Variants in ACER3 observed in about 807,000 individuals in gnomAD.
The protein encoded by ACER3 is alkCDase 3.
ACER3 carries 16 observed loss-of-function variants against 48.9 expected under a neutral mutation model. That is an observed-to-expected ratio of 0.33 (90% CI 0.22 to 0.50). ACER3 has a LOEUF of 0.50. ACER3 is among the 20% of genes least tolerant of loss of function. ACER3 has a pLI of 0.98. For synonymous variants in ACER3, 109 were observed against 107.8 expected (o/e 1.01, Z -0.07); for missense variants, 227 against 326.0 (o/e 0.70, Z 2.34).
intron 1 of ACER3, among the ~76,000 whole-genome samples, chr11:76,865,397 G>GT (rs559819405): frequency 1.3e-5 from 2 of 151,676 alleles, no homozygotes; most frequent in Non-Finnish European, 1.5e-5. Context: ...TTAATGCAAA[G>GT]TTTTTTTTGT....
rs192383696 is a variant in ACER3 at position 76,964,537 on chromosome 11, G to A, written c.267+5506G>A. On this transcript the variant is annotated intron_variant, in intron 3 of 10. Coordinates refer to ENST00000532485, the MANE Select transcript of ACER3 (RefSeq NM_018367.7). Reference sequence around the variant, plus strand: ...CTCCTCAAGTGGGTCCCTGACCCCCGAGTAGCCTAACTGGGAGGCACCCCC... The same window carrying A: ...CTCCTCAAGTGGGTCCCTGACCCCCAAGTAGCCTAACTGGGAGGCACCCCC... Among the ~76,000 whole-genome samples, 707 of 151,418 alleles carry A rather than the reference G, an allele frequency of 4.7e-3. 40 individuals are homozygous for A. Among genetic ancestry groups the A allele is most frequent in the African/African-American group, 0.017 (675 of 40,742 alleles).
chr11:76,884,608 A>G (rs1035872536), intron 1 of ACER3, among the ~76,000 whole-genome samples: 2 of 152,188 alleles, frequency 1.3e-5, no homozygotes, highest in African/African-American at 4.8e-5. Context: ...AGATAGGTGT[A>G]TTAAAATCTT....
chr11:76,925,202 T>TTAA (rs1165984139), intron 1 of ACER3, among the ~76,000 whole-genome samples: 1 of 152,182 alleles, frequency 6.6e-6, no homozygotes, highest in African/African-American at 2.4e-5. Context: ...CCATGTTTTC[T>TTAA]GTTACTACTT....
intron 8 of ACER3, 49 bp from the exon 9 acceptor site, chr11:77,016,626 G>T (rs782169579): frequency 2.0e-6 from 2 of 1,015,192 alleles, no homozygotes; most frequent in Admixed American, 2.1e-5. Context: ...AGCGTTAGTC[G>T]CTAAATATTT....
chr11:76,929,162 GAA>G (rs1233395092), intron 2 of ACER3, among the ~76,000 whole-genome samples: 3 of 152,028 alleles, frequency 2.0e-5, no homozygotes, highest in African/African-American at 7.2e-5. Context: ...AGTTCTCCTT[GAA>G]GACGTCCTTC....
intron 2 of ACER3, among the ~76,000 whole-genome samples, chr11:76,951,753 A>C (rs1278417608): frequency 6.6e-6 from 1 of 152,208 alleles, no homozygotes; most frequent in African/African-American, 2.4e-5. Context: ...GGTGACAGTG[A>C]ACTGTGGAGA....
chr11:77,017,236 T>G (rs1490404810), intron 9 of ACER3, among the ~76,000 whole-genome samples: 1 of 152,024 alleles, frequency 6.6e-6, no homozygotes, highest in Non-Finnish European at 1.5e-5. Context: ...TTGACAAACC[T>G]TAGCAAGACT....
At chr11:76,916,679 T>G (rs768646637) in intron 1 of ACER3, among the ~76,000 whole-genome samples, 1 of 152,178 alleles carries the variant, frequency 6.6e-6, no homozygotes, top group Non-Finnish European at 1.5e-5. Context: ...CATTTTCAGA[T>G]TATGTCATTT....
At chr11:76,989,510 C>T (rs1427338990) in intron 5 of ACER3, among the ~76,000 whole-genome samples, 1 of 151,966 alleles carries the variant, frequency 6.6e-6, no homozygotes, top group Non-Finnish European at 1.5e-5. Context: ...GAAAAGGCTT[C>T]AAGAAGGAGG....
At chr11:76,960,475 A>C (rs6592687) in intron 3 of ACER3, among the ~76,000 whole-genome samples, 3 of 151,900 alleles carry the variant, frequency 2.0e-5, no homozygotes, top group East Asian at 3.9e-4. Flanking sequence ...TTCTCTCTCT[A>C]TATATAATCA....
At chr11:76,977,705 G>A (rs1439271244) in intron 4 of ACER3, among the ~76,000 whole-genome samples, 2 of 152,178 alleles carry the variant, frequency 1.3e-5, no homozygotes, top group Non-Finnish European at 2.9e-5. Flanking sequence ...GTGCTGGTGG[G>A]GGCCGGGAAC....
At chr11:76,978,055 C>T (rs1001794393) in intron 4 of ACER3, among the ~76,000 whole-genome samples, 8 of 152,248 alleles carry the variant, frequency 5.3e-5, no homozygotes, top group South Asian at 2.1e-4. Flanking sequence ...GGAGGGAGGC[C>T]GAGGCGGGGA....
chr11:76,919,024 C>T (rs1590930995), intron 1 of ACER3, among the ~76,000 whole-genome samples: 1 of 152,314 alleles, frequency 6.6e-6, no homozygotes, highest in East Asian at 1.9e-4. Context: ...CAGGCTCAAA[C>T]CAGTTACAGC....
intron 1 of ACER3, 41 bp from the exon 2 acceptor site, chr11:76,926,516 A>G: frequency 1.6e-6 from 2 of 1,223,572 alleles, no homozygotes; most frequent in Non-Finnish European, 2.4e-6. Context: ...TTAAAGTGTT[A>G]TTGATTAACC....
chr11:76,976,018 T>C (rs1158288488), intron 3 of ACER3, among the ~76,000 whole-genome samples: 1 of 151,708 alleles, frequency 6.6e-6, no homozygotes, highest in Non-Finnish European at 1.5e-5. Flanking sequence ...TAGCTGGGAC[T>C]ACAGGCACAT....
intron 1 of ACER3, among the ~76,000 whole-genome samples, chr11:76,881,815 T>G (rs889000807): frequency 6.6e-6 from 1 of 152,138 alleles, no homozygotes; most frequent in African/African-American, 2.4e-5. Flanking sequence ...TCATTTTCCT[T>G]CAGCAAGTTG....
intron 2 of ACER3, among the ~76,000 whole-genome samples, chr11:76,933,634 G>T (rs1162924997): frequency 6.6e-6 from 1 of 152,116 alleles, no homozygotes; most frequent in African/African-American, 2.4e-5. Flanking sequence ...CAAGGCAGAA[G>T]AATTTTTCTT....
At chr11:76,980,526 A>G (rs772080597) in intron 4 of ACER3, among the ~76,000 whole-genome samples, 15 of 152,076 alleles carry the variant, frequency 9.9e-5, no homozygotes, top group Non-Finnish European at 1.5e-4. Flanking sequence ...AAAAATTAAA[A>G]AATTAGCTTG....
At chr11:76,929,122 C>T (rs1258053556) in intron 2 of ACER3, among the ~76,000 whole-genome samples, 1 of 152,012 alleles carries the variant, frequency 6.6e-6, no homozygotes, top group Non-Finnish European at 1.5e-5. Context: ...TTGCTTGTGT[C>T]CTCTTTTATT....
Sources: gnomAD v4.1 joint callset for allele counts (sites outside exome capture counted in the v4.1 genomes callset) on GRCh38, gnomAD v4.1.1 for gene constraint, MANE v1.5 for transcripts, NCBI Gene and HGNC (gene_info 2026-07-23, HGNC 2026-07-21) for gene names.